DNER: variants seen among roughly 807,000 people sequenced by gnomAD.
DNER encodes delta/notch like EGF repeat containing.
DNER carries 33 observed loss-of-function variants against 78.2 expected under a neutral mutation model. The ratio of observed to expected loss-of-function variants is 0.42; its 90% CI spans 0.32 to 0.56. DNER has a LOEUF of 0.56. Ranked by LOEUF, DNER falls within the 20% of genes least tolerant of loss-of-function variation. DNER has a pLI of 0.11. For synonymous variants in DNER, 417 were observed against 384.8 expected (o/e 1.08, Z -0.98); for missense variants, 918 against 975.3 (o/e 0.94, Z 0.78).
intron 11 of DNER, among the ~76,000 whole-genome samples, chr2:229,384,162 T>C (rs930062321): frequency 1.5e-4 from 23 of 152,200 alleles, no homozygotes; most frequent in African/African-American, 4.8e-5. Context: ...GAATGACTAC[T>C]GGGTAAATAA....
At chr2:229,588,259 G>C in intron 3 of DNER, 135 bp downstream of exon 3, 2 of 721,706 alleles carry the variant, frequency 2.8e-6, no homozygotes, top group East Asian at 5.4e-5. Context: ...AATGGCAGGG[G>C]CCACATCTAC....
intron 1 of DNER, among the ~76,000 whole-genome samples, chr2:229,621,802 A>C (rs1391879531): frequency 6.6e-6 from 1 of 152,104 alleles, no homozygotes; most frequent in Non-Finnish European, 1.5e-5. Flanking sequence ...TGCATATAAA[A>C]GGGCCGGGCG....
At chr2:229,415,603 G>A (rs1443563103) in intron 9 of DNER, among the ~76,000 whole-genome samples, 1 of 152,090 alleles carries the variant, frequency 6.6e-6, no homozygotes, top group Non-Finnish European at 1.5e-5. Flanking sequence ...GCATTTAAAG[G>A]CATACATCTC....
chr2:229,664,258 A>G (rs996507485), intron 1 of DNER, among the ~76,000 whole-genome samples: 5 of 152,208 alleles, frequency 3.3e-5, no homozygotes, highest in Admixed American at 1.3e-4. Context: ...CTCATTGGTC[A>G]AAGAAGAATC....
chr2:229,683,877 A>G (rs985002), intron 1 of DNER, among the ~76,000 whole-genome samples: 22,001 of 151,984 alleles, frequency 0.14, 1,862 homozygotes, highest in East Asian at 0.33. Context: ...TACAGCAGGG[A>G]CAAGGGCAAC....
chr2:229,549,126 C>T (rs1318142325), intron 4 of DNER, among the ~76,000 whole-genome samples: 1 of 151,954 alleles, frequency 6.6e-6, no homozygotes, highest in Non-Finnish European at 1.5e-5. Flanking sequence ...AAAAGTATAC[C>T]AAGATGCATG....
chr2:229,656,328 T>A (rs1421988500), intron 1 of DNER, among the ~76,000 whole-genome samples: 1 of 152,190 alleles, frequency 6.6e-6, no homozygotes. Flanking sequence ...TGGACATGTT[T>A]CTTGACCTCT....
At chr2:229,405,559 C>T (rs995607640) in intron 10 of DNER, among the ~76,000 whole-genome samples, 4 of 151,722 alleles carry the variant, frequency 2.6e-5, no homozygotes, top group African/African-American at 7.3e-5. Context: ...GACTATAGGG[C>T]AGCCAGTAAA....
In DNER at chr2:229,670,905, G is replaced by T. The variant is rs143391020; in HGVS notation, c.276+43243C>A. Among the ~76,000 whole-genome samples, 204 of 152,270 alleles carry T rather than the reference G, an allele frequency of 1.3e-3. 1 individual carries two copies. In the East Asian group the frequency reaches 0.03, roughly 22 times the overall value. ...AGCAGCTACCAAATTGACAGTATAGGTCTAGTGTATAATTTCAGTGATGAA... is the reference window on the plus strand; with the variant it reads ...AGCAGCTACCAAATTGACAGTATAGTTCTAGTGTATAATTTCAGTGATGAA... On this transcript the variant is annotated intron_variant, in intron 1 of 12. Transcript: ENST00000341772.
At chr2:229,650,072 CAAAAAAAAA>C (rs34030074) in intron 1 of DNER, among the ~76,000 whole-genome samples, 3 of 93,166 alleles carry the variant, frequency 3.2e-5, no homozygotes, top group Non-Finnish European at 6.8e-5. Context: ...AAGACTCCGT[CAAAAAAAAA>C]AAAAAAAAAA....
intron 11 of DNER, among the ~76,000 whole-genome samples, chr2:229,373,528 T>G (rs376561067): frequency 7.2e-5 from 11 of 152,322 alleles, no homozygotes; most frequent in African/African-American, 2.4e-4. Flanking sequence ...GAAAGCAGTT[T>G]GGAGATTTCT....
chr2:229,628,286 A>G (rs1411371486), intron 1 of DNER, among the ~76,000 whole-genome samples: 1 of 152,168 alleles, frequency 6.6e-6, no homozygotes, highest in Non-Finnish European at 1.5e-5. Context: ...AAAGTCATAT[A>G]TCCACAGTTT....
At chr2:229,481,886 G>T (rs1026224350) in intron 6 of DNER, among the ~76,000 whole-genome samples, 4 of 152,176 alleles carry the variant, frequency 2.6e-5, no homozygotes, top group Non-Finnish European at 5.9e-5. Context: ...GGAAGAATTT[G>T]CTCTAGCATG....
At chr2:229,643,461 C>T (rs1337022334) in intron 1 of DNER, among the ~76,000 whole-genome samples, 1 of 152,186 alleles carries the variant, frequency 6.6e-6, no homozygotes, top group Non-Finnish European at 1.5e-5. Flanking sequence ...ATAATCCCTG[C>T]CCAGTCTTGA....
chr2:229,548,615 G>A (rs1696668670), intron 4 of DNER, among the ~76,000 whole-genome samples: 2 of 152,096 alleles, frequency 1.3e-5, no homozygotes, highest in Admixed American at 1.3e-4. Flanking sequence ...GTAGGGGAGG[G>A]ACAGCATTAG....
chr2:229,372,032 T>C (rs1692493500), intron 11 of DNER, among the ~76,000 whole-genome samples: 1 of 152,178 alleles, frequency 6.6e-6, no homozygotes, highest in African/African-American at 2.4e-5. Flanking sequence ...CAACTCTTGT[T>C]AATCTCTGGA....
In DNER at chr2:229,422,296, A is replaced by G. The variant is rs961991212; in HGVS notation, c.1487-4066T>C. ...CAAATTAGCTCAGGGCAGTATGCCC[A>G]GTGTCTGAAAAAAAATTAGGCTAAT... On this transcript the variant is annotated intron_variant, in intron 8 of 12. Transcript: ENST00000341772. Among the ~76,000 whole-genome samples, 4 of 152,228 alleles carry G rather than the reference A, an allele frequency of 2.6e-5. No homozygotes were observed. In the South Asian group the frequency reaches 8.3e-4, roughly 32 times the overall value.
intron 6 of DNER, among the ~76,000 whole-genome samples, chr2:229,499,312 G>A (rs955862236): frequency 6.6e-6 from 1 of 151,950 alleles, no homozygotes. Flanking sequence ...GGGCATGGTG[G>A]TGGGTGCCTG....
At chr2:229,366,600 G>A (rs539866013) in intron 12 of DNER, among the ~76,000 whole-genome samples, 7 of 152,242 alleles carry the variant, frequency 4.6e-5, no homozygotes, top group African/African-American at 1.4e-4. Context: ...CAGCGATTAC[G>A]AATCAGATAT....
Sources: gnomAD v4.1 joint callset for allele counts (sites outside exome capture counted in the v4.1 genomes callset) on GRCh38, gnomAD v4.1.1 for gene constraint, MANE v1.5 for transcripts, NCBI Gene and HGNC (gene_info 2026-07-23, HGNC 2026-07-21) for gene names.